RPF2: variants seen among roughly 807,000 people sequenced by gnomAD.
The protein encoded by RPF2 is ribosome production factor 2 homolog, also known as brix domain containing 1.
Under a neutral mutation model 38.9 loss-of-function variants are expected in RPF2, and 21 were observed. The ratio of observed to expected loss-of-function variants is 0.54; its 90% CI spans 0.38 to 0.78. RPF2 has a LOEUF of 0.78. Among genes scored for constraint, RPF2 ranks in the 30% least tolerant of loss-of-function variants. The probability of loss-of-function intolerance (pLI) is 0.00; values close to 1 mark genes in which losing one functional copy is unlikely to be tolerated. For missense variants in RPF2, 314 were observed against 358.1 expected, an observed-to-expected ratio of 0.88 and a Z score of 0.99; for synonymous variants, 121 against 126.2, an observed-to-expected ratio of 0.96 and a Z score of 0.28.
intron 8 of RPF2, among the ~76,000 whole-genome samples, chr6:111,019,946 G>A (rs1288688511): frequency 6.8e-6 from 1 of 146,950 alleles, no homozygotes; most frequent in Non-Finnish European, 1.5e-5. Context: ...ACGGAGTCTC[G>A]CTATGTTGCC....
chr6:111,021,171 A>G (rs1365093602), intron 8 of RPF2, among the ~76,000 whole-genome samples: 2 of 152,152 alleles, frequency 1.3e-5, no homozygotes, highest in African/African-American at 4.8e-5. Context: ...CTGTCTCAAA[A>G]AAATAAAAAT....
chr6:110,987,801 A>G (rs1771548867), intron 2 of RPF2, among the ~76,000 whole-genome samples: 1 of 152,136 alleles, frequency 6.6e-6, no homozygotes, highest in African/African-American at 2.4e-5. Context: ...CTCTAATGCA[A>G]GGTAGTACCT....
intron 8 of RPF2, among the ~76,000 whole-genome samples, chr6:111,022,823 C>T (rs1449190437): frequency 6.6e-6 from 1 of 152,134 alleles, no homozygotes; most frequent in Non-Finnish European, 1.5e-5. Context: ...AGTTTTCTAA[C>T]TAGCTGAAAA....
At chr6:111,008,203 G>A in intron 7 of RPF2, 66 bp downstream of exon 7, 1 of 1,474,694 alleles carries the variant, frequency 6.8e-7, no homozygotes. Context: ...TCTCACTGGT[G>A]GCACTTTGCT....
chr6:110,997,767 G>C (rs1771741843), intron 5 of RPF2, among the ~76,000 whole-genome samples: 1 of 152,024 alleles, frequency 6.6e-6, no homozygotes, highest in East Asian at 1.9e-4. Context: ...AGGAAGTGAA[G>C]TACGCTTTGA....
chr6:111,008,198 C>CT, intron 7 of RPF2, 61 bp downstream of exon 7: 1 of 1,488,672 alleles, frequency 6.7e-7, no homozygotes, highest in East Asian at 2.6e-5. Flanking sequence ...CAGACTCTCA[C>CT]TGGTGGCACT....
rs1159745161 is a variant in RPF2, at chr6:111,015,781, A to T, written c.521A>T (p.Asn174Ile). 1 of 1,612,222 alleles carries T rather than the reference A, an allele frequency of 6.2e-7. No homozygotes were observed. The highest frequency in any genetic ancestry group is 8.5e-7 in the Non-Finnish European group (1 of 1,178,498). The change falls in exon 8 of 10, where the codon AAT becomes ATT. Residue 174 changes from asparagine (N) to isoleucine (I), a missense_variant. By Grantham distance (149) the Asn-to-Ile change is moderately radical. Transcript: ENST00000441448. ...TTCTTCAGAGGCCCCACAGTATCAA[A>T]TATCCGCCTGGCTGGATTAGAGTAT... ...IDFFRGPTVS[N>I]IRLAGLEYVL...
intron 8 of RPF2, among the ~76,000 whole-genome samples, chr6:111,020,837 G>A (rs1231282389): frequency 1.3e-5 from 2 of 150,920 alleles, no homozygotes; most frequent in East Asian, 1.9e-4. Flanking sequence ...GGGTGACAGC[G>A]AGACTCCATT....
chr6:110,999,798 CAT>C lies in RPF2; in HGVS notation c.393+13_393+14del, dbSNP rs778071390. The C allele has an allele frequency of 2.8e-6, 4 of 1,424,054 alleles. No individual in the cohort carries two copies. The highest frequency in any genetic ancestry group is 2.3e-5 in the South Asian group (2 of 86,734). The allele number at this position is 1,424,054 out of a possible 1,614,324, so 88.2% of individuals were successfully genotyped here. A position where few individuals can be genotyped will look rare whatever the true frequency, so the allele number is the denominator to read the frequency against. ...CTAAAAGACATTAAGGTAAGATACT[CAT>C]AGAAATGAAAAGTATTTTGTAATGC... On this transcript the variant is annotated intron_variant, in intron 6 of 9. Transcript: ENST00000441448.
intron 7 of RPF2, among the ~76,000 whole-genome samples, chr6:111,011,296 C>CTTTTTTTTTTTTTTTTTT (rs1562373415): frequency 7.0e-6 from 1 of 143,004 alleles, no homozygotes; most frequent in Non-Finnish European, 1.5e-5. Context: ...TTCTTTCTTT[C>CTTTTTTTTTTTTTTTTTT]TTTCTTTCTT....
intron 1 of RPF2, among the ~76,000 whole-genome samples, chr6:110,983,173 T>C (rs899530462): frequency 6.6e-5 from 10 of 152,162 alleles, no homozygotes; most frequent in African/African-American, 2.4e-4. Context: ...GAGAACTGTC[T>C]GAAAAGCAAG....
intron 7 of RPF2, among the ~76,000 whole-genome samples, chr6:111,014,749 C>A (rs979827749): frequency 7.2e-5 from 11 of 152,164 alleles, no homozygotes; most frequent in Non-Finnish European, 1.6e-4. Context: ...ACTTGTTTTC[C>A]AAACTTCTTT....
intron 2 of RPF2, among the ~76,000 whole-genome samples, chr6:110,988,392 G>A (rs1771559799): frequency 6.6e-6 from 1 of 150,924 alleles, no homozygotes; most frequent in South Asian, 2.1e-4. Flanking sequence ...CAATCTGTCA[G>A]CCTTTCGTGA....
At chr6:111,024,037 C>A in intron 8 of RPF2, 146 bp from the exon 9 acceptor site, 2 of 637,112 alleles carry the variant, frequency 3.1e-6, no homozygotes, top group Non-Finnish European at 5.0e-6. Context: ...ATATACTTGG[C>A]TTGAATAGTA....
intron 8 of RPF2, among the ~76,000 whole-genome samples, chr6:111,022,317 A>G (rs1189465179): frequency 6.6e-6 from 1 of 152,252 alleles, no homozygotes; most frequent in African/African-American, 2.4e-5. Context: ...CTCAAGAAAT[A>G]GACAAATAAT....
intron 6 of RPF2, among the ~76,000 whole-genome samples, chr6:111,003,442 C>A (rs1771848392): frequency 6.6e-6 from 1 of 152,096 alleles, no homozygotes; most frequent in South Asian, 2.1e-4. Context: ...AGGTGCCTAC[C>A]ACCATGCCCA....
chr6:110,982,115 T>G lies in RPF2; in HGVS notation c.9T>G (p.Thr3=). Residue 3 remains threonine (T), a synonymous_variant, in exon 1 of 10, where the codon ACT becomes ACG. Transcript: ENST00000441448. MD[T]LDRVVKPKTK... ...TGCAGGTAGCGGTAGCGATGGACAC[T>G]CTGGATCGAGTAGTGTAAGTGCGCT... is the stretch of plus-strand genomic sequence containing the variant. The G allele has an allele frequency of 6.2e-7, 1 of 1,614,192 alleles. No individual in the cohort carries two copies. The highest frequency in any genetic ancestry group is 8.5e-7 in the Non-Finnish European group (1 of 1,180,024).
At chr6:111,011,631 A>C (rs1772016644) in intron 7 of RPF2, among the ~76,000 whole-genome samples, 1 of 152,130 alleles carries the variant, frequency 6.6e-6, no homozygotes, top group Admixed American at 6.6e-5. Flanking sequence ...ATTTTCAGCT[A>C]AGATTTCCAT....
intron 1 of RPF2, among the ~76,000 whole-genome samples, chr6:110,984,370 GA>G (rs916959938): frequency 2.7e-5 from 4 of 150,414 alleles, no homozygotes; most frequent in African/African-American, 4.9e-5. Context: ...AAGAGTAAGA[GA>G]AAAAAAACAG....
Sources: gnomAD v4.1 joint callset for allele counts (sites outside exome capture counted in the v4.1 genomes callset) on GRCh38, gnomAD v4.1.1 for gene constraint, MANE v1.5 for transcripts, NCBI Gene and HGNC (gene_info 2026-07-23, HGNC 2026-07-21) for gene names.